Variants in SARNP observed in about 807,000 individuals in gnomAD.
SARNP encodes the protein SAP domain containing ribonucleoprotein.
SARNP carries 5 observed loss-of-function variants against 38.1 expected under a neutral mutation model. The ratio of observed to expected loss-of-function variants is 0.13; its 90% CI spans 0.07 to 0.28. The LOEUF (loss-of-function observed/expected upper bound fraction) is 0.28. Among genes scored for constraint, SARNP ranks in the 10% least tolerant of loss-of-function variants. SARNP has a pLI of 1.00. For missense variants in SARNP, 180 were observed against 243.9 expected, an observed-to-expected ratio of 0.74 and a Z score of 1.75; for synonymous variants, 84 against 80.6, an observed-to-expected ratio of 1.04 and a Z score of -0.23.
intron 1 of SARNP, among the ~76,000 whole-genome samples, chr12:55,812,674 C>T (rs1880361763): frequency 6.6e-6 from 1 of 152,234 alleles, no homozygotes; most frequent in East Asian, 1.9e-4. Flanking sequence ...TATCACTACC[C>T]AAACCCTGGA....
At chr12:55,794,090 G>C (rs182158201) in intron 7 of SARNP, 7 of 434,952 alleles carry the variant, frequency 1.6e-5, no homozygotes, top group Middle Eastern at 6.9e-4. Context: ...GAATAAGTAA[G>C]CAAAGTACTA....
chr12:55,772,766 G>A lies in SARNP; in HGVS notation c.502-12126C>T, dbSNP rs1337271429. 1.1e-4 allele frequency among the ~76,000 whole-genome samples: 16 copies of A among 148,712 alleles called. No homozygotes were observed. In the South Asian group the frequency reaches 3.4e-3, roughly 31 times the overall value. On this transcript the variant is annotated intron_variant, in intron 9 of 10. Transcript: ENST00000336133. ...TTTTGCTCTTTCTGCCCAGGATGGA[G>A]TGCAATGGCATGATCTCAGCTCACC... is the stretch of plus-strand genomic sequence containing the variant.
At chr12:55,810,033 C>A (rs1880279262) in intron 1 of SARNP, among the ~76,000 whole-genome samples, 1 of 152,208 alleles carries the variant, frequency 6.6e-6, no homozygotes, top group African/African-American at 2.4e-5. Flanking sequence ...CTCCATTCTA[C>A]CTATCCAACC....
intron 1 of SARNP, among the ~76,000 whole-genome samples, chr12:55,814,292 C>T (rs1880418548): frequency 6.6e-6 from 1 of 152,240 alleles, no homozygotes; most frequent in African/African-American, 2.4e-5. Flanking sequence ...CTACTTCTTA[C>T]ATGACAAAGG....
At chr12:55,777,715 C>T (rs1206915353) in intron 9 of SARNP, among the ~76,000 whole-genome samples, 2 of 152,160 alleles carry the variant, frequency 1.3e-5, no homozygotes, top group Non-Finnish European at 2.9e-5. Flanking sequence ...TGTCTAACGT[C>T]TCTTGTCCAA....
chr12:55,787,412 C>A (rs904031877), intron 9 of SARNP, among the ~76,000 whole-genome samples: 1 of 152,010 alleles, frequency 6.6e-6, no homozygotes, highest in African/African-American at 2.4e-5. Context: ...GAGAGCTAAA[C>A]GCTTTCATGC....
chr12:55,762,762 C>T (rs1048287524), intron 9 of SARNP: 1 of 152,246 alleles, frequency 6.6e-6, no homozygotes, highest in Non-Finnish European at 1.5e-5. Flanking sequence ...CCTCTACTCT[C>T]AACCCCAACC....
intron 4 of SARNP, among the ~76,000 whole-genome samples, chr12:55,797,865 T>G (rs1879864856): frequency 6.6e-6 from 1 of 152,200 alleles, no homozygotes. Flanking sequence ...TAACCACAAC[T>G]ATCCTCTAAA....
intron 1 of SARNP, among the ~76,000 whole-genome samples, chr12:55,808,118 CTTT>C (rs1450251648): frequency 6.6e-6 from 1 of 152,116 alleles, no homozygotes; most frequent in East Asian, 1.9e-4. Context: ...TGTATTACTT[CTTT>C]TGTTATATAG....
At chr12:55,778,427 G>T (rs1042147562) in intron 9 of SARNP, among the ~76,000 whole-genome samples, 3 of 152,166 alleles carry the variant, frequency 2.0e-5, no homozygotes, top group African/African-American at 7.2e-5. Context: ...GATTACAAGT[G>T]TGAGCCACTG....
In SARNP at chr12:55,783,526, GAACA is replaced by G. The variant is rs1408500922; in HGVS notation, c.501+5545_501+5548del. ...TCACTGAGACTTAAGCTGGAAACAT[GAACA>G]AACAGACTTTTCTTGGGCAGAGGGA... On this transcript the variant is annotated intron_variant, in intron 9 of 10. Coordinates refer to ENST00000336133, the MANE Select transcript of SARNP (RefSeq NM_033082.4). Among the ~76,000 whole-genome samples, 3 of 148,710 alleles carry G rather than the reference GAACA, an allele frequency of 2.0e-5. No homozygotes were observed. The East Asian group carries it at 6.1e-4, about 30-fold the overall frequency.
intron 9 of SARNP, among the ~76,000 whole-genome samples, chr12:55,765,316 G>A (rs1020197817): frequency 6.6e-6 from 1 of 152,098 alleles, no homozygotes. Context: ...CTCAAATGGG[G>A]AGTCTGATTT....
In SARNP at chr12:55,757,427, G is replaced by T; in HGVS notation, c.*85C>A. ...ATTGCGAGGCAGGACGTAGGCACAT[G>T]ACTGTGCATTTAGGCATATATGTGA... On this transcript the variant is annotated 3_prime_UTR_variant, in exon 11 of 11. Coordinates refer to ENST00000336133, the MANE Select transcript of SARNP (RefSeq NM_033082.4). 1 of 1,169,864 alleles carries T rather than the reference G, an allele frequency of 8.5e-7. No individual in the cohort carries two copies. Among genetic ancestry groups the T allele is most frequent in the South Asian group, 1.4e-5 (1 of 70,444 alleles). The allele number at this position is 1,169,864 out of a possible 1,614,324, so 72.5% of individuals were successfully genotyped here.
chr12:55,785,556 A>G (rs1879466429), intron 9 of SARNP, among the ~76,000 whole-genome samples: 1 of 148,292 alleles, frequency 6.7e-6, no homozygotes, highest in Non-Finnish European at 1.5e-5. Context: ...TTGGGAGGCC[A>G]AAGTGAGTGA....
At chr12:55,810,451 AT>A (rs199532602) in intron 1 of SARNP, among the ~76,000 whole-genome samples, 13,269 of 135,966 alleles carry the variant, frequency 0.098, 805 homozygotes, top group African/African-American at 0.2. Context: ...CTGACCTTGA[AT>A]TTTTTTTTTT....
intron 2 of SARNP, among the ~76,000 whole-genome samples, chr12:55,801,112 A>G (rs1352107157): frequency 6.6e-6 from 1 of 152,208 alleles, no homozygotes; most frequent in Admixed American, 6.5e-5. Context: ...TGGACTGAAG[A>G]ACTAAATGTG....
chr12:55,778,010 A>T (rs1879232510), intron 9 of SARNP, among the ~76,000 whole-genome samples: 1 of 152,164 alleles, frequency 6.6e-6, no homozygotes, highest in African/African-American at 2.4e-5. Context: ...GGTGTGGGGG[A>T]AACTGGGAAG....
Position 55,790,574 on chromosome 12 carries a change from T to C in SARNP, c.425A>G (p.Lys142Arg), listed in dbSNP as rs2136194868. Residue 142 changes from lysine (K) to arginine (R), a missense_variant, in exon 8 of 11, where the codon AAA (lysine) becomes AGA (arginine). Around this residue, in one of 2 missense-constraint regions of SARNP, gnomAD observed 161 missense variants for 194.1 expected, o/e 0.83. Coordinates refer to ENST00000336133, the MANE Select transcript of SARNP (RefSeq NM_033082.4). ...VPTKGLSSDN[K>R]PMVNLDKLKE... is the part of the protein sequence containing the mutation. ...TAAAAAAAGATTTCTTACCATAGGT[T>C]TGTTATCAGATGACAGACCTAAGGA... 1 of 1,554,880 alleles carries C rather than the reference T, an allele frequency of 6.4e-7. No individual in the cohort carries two copies.
In SARNP at chr12:55,757,374, T is replaced by C. The variant is rs1878539717; in HGVS notation, c.*138A>G. On this transcript the variant is annotated 3_prime_UTR_variant, in exon 11 of 11. Transcript: ENST00000336133. ...TAAGTCAAACTGCTGCCGCAGTTCA[T>C]GGATGTACCTGGGGTACATGCTCCC... 2 of 528,964 alleles carry C rather than the reference T, an allele frequency of 3.8e-6. No individual in the cohort carries two copies. The highest frequency in any genetic ancestry group is 3.9e-5 in the South Asian group (1 of 25,514). 32.8% of individuals were successfully genotyped at this position (528,964 alleles called of 1,614,324 possible).
Sources: allele counts gnomAD v4.1 joint callset (sites outside exome capture counted in the v4.1 genomes callset), GRCh38; gene constraint gnomAD v4.1.1; regional missense constraint gnomAD v4.1.1; transcripts MANE v1.5; gene names NCBI Gene and HGNC (gene_info 2026-07-23, HGNC 2026-07-21).